The following DSTYK variants were observed in gnomAD, a reference collection of about 807,000 sequenced individuals.
DSTYK encodes RIP-homologous kinase.
A neutral mutation model predicts 98.7 loss-of-function variants in DSTYK; 34 were observed. That is an observed-to-expected ratio of 0.34 (90% confidence interval 0.26 to 0.46). The LOEUF (loss-of-function observed/expected upper bound fraction) is 0.46. DSTYK is among the 20% of genes least tolerant of loss of function. DSTYK has a pLI of 1.00. For synonymous variants in DSTYK, 462 were observed against 457.3 expected (o/e 1.01, Z -0.13); for missense variants, 962 against 1,181.7 (o/e 0.81, Z 2.73).
intron 1 of DSTYK, among the ~76,000 whole-genome samples, chr1:205,204,391 T>C (rs6682400): frequency 6.6e-6 from 1 of 151,616 alleles, no homozygotes; most frequent in Admixed American, 6.6e-5. Context: ...CCACATTCCA[T>C]CTTTCTGTTC....
At chr1:205,176,706 G>A (rs918037235) in intron 2 of DSTYK, among the ~76,000 whole-genome samples, 10 of 151,668 alleles carry the variant, frequency 6.6e-5, no homozygotes, top group Non-Finnish European at 8.8e-5. Flanking sequence ...GCCTCCCAAA[G>A]TGCTAGGATT....
chr1:205,198,907 C>G (rs1658947835), intron 1 of DSTYK, among the ~76,000 whole-genome samples: 1 of 150,424 alleles, frequency 6.6e-6, no homozygotes, highest in South Asian at 2.1e-4. Context: ...TCTCGACTCA[C>G]TTCAATCTCT....
chr1:205,194,253 C>T (rs1574792799), intron 1 of DSTYK, among the ~76,000 whole-genome samples: 2 of 152,162 alleles, frequency 1.3e-5, no homozygotes, highest in African/African-American at 4.8e-5. Flanking sequence ...AAGTGTTGGC[C>T]ATGACCCTCA....
At chr1:205,163,043 T>C (rs776981406) in intron 4 of DSTYK, 37 bp from the exon 5 acceptor site, 2 of 1,532,642 alleles carry the variant, frequency 1.3e-6, no homozygotes, top group South Asian at 2.2e-5. Flanking sequence ...ATGTCCTCAG[T>C]AGTGTGGCTA....
At chr1:205,155,715 G>A (rs1389739121) in intron 10 of DSTYK, among the ~76,000 whole-genome samples, 1 of 152,002 alleles carries the variant, frequency 6.6e-6, no homozygotes, top group Non-Finnish European at 1.5e-5. Context: ...TTCTGGGGGA[G>A]AAATTCAAGC....
Position 205,169,397 on chromosome 1 carries a change from G to C in DSTYK, c.1090C>G (p.Leu364Val), listed in dbSNP as rs374059613. 38 of 1,614,184 alleles carry C rather than the reference G, an allele frequency of 2.4e-5. No individual in the cohort carries two copies. The African/African-American group carries it at 5.1e-4, about 22-fold the overall frequency. Residue 364 changes from leucine (L) to valine (V), a missense_variant, in exon 3 of 13, where the codon CTG becomes GTG. Coordinates refer to ENST00000367162, the MANE Select transcript of DSTYK (RefSeq NM_015375.3). The surrounding 1 kb of genome is among the most constrained non-coding windows in gnomAD (Gnocchi z 4.0). ...ATGTCAAGGCAGTGGCAGTGCACCA[G>C]GTTCAGGGCCTTGGCTGCATCCACC... ...RLVDAAKALN[L>V]VHCHCLDIFI...
chr1:205,210,146 C>T (rs1307817704), intron 1 of DSTYK, among the ~76,000 whole-genome samples: 1 of 151,980 alleles, frequency 6.6e-6, no homozygotes, highest in Non-Finnish European at 1.5e-5. Context: ...AAGTGATCCG[C>T]CCCGCCTCTG....
At chr1:205,196,251 T>C (rs978813491) in intron 1 of DSTYK, among the ~76,000 whole-genome samples, 5 of 152,002 alleles carry the variant, frequency 3.3e-5, no homozygotes, top group Non-Finnish European at 7.4e-5. Flanking sequence ...ATAGAAGGAA[T>C]GATGGATATA....
chr1:205,160,109 C>A lies in DSTYK; in HGVS notation c.2105+5G>T, dbSNP rs772523852. On this transcript the variant is annotated splice_donor_5th_base_variant and intron_variant, in intron 8 of 12. Coordinates refer to ENST00000367162, the MANE Select transcript of DSTYK (RefSeq NM_015375.3). ...CTCATAGAGATGAATGAGGCCAGGA[C>A]CCACCTCATATAGTGAAATTCCAAA... 1.2e-6 allele frequency: 2 copies of A among 1,613,940 alleles called. No individual in the cohort carries two copies. Among genetic ancestry groups the A allele is most frequent in the Non-Finnish European group, 1.7e-6 (2 of 1,179,954 alleles).
chr1:205,183,099 C>T (rs1658466666), intron 2 of DSTYK, among the ~76,000 whole-genome samples: 1 of 148,986 alleles, frequency 6.7e-6, no homozygotes, highest in African/African-American at 2.5e-5. Flanking sequence ...CACACACACA[C>T]ACAGAGATAT....
At chr1:205,208,305 A>G (rs1659267495) in intron 1 of DSTYK, among the ~76,000 whole-genome samples, 1 of 152,194 alleles carries the variant, frequency 6.6e-6, no homozygotes, top group African/African-American at 2.4e-5. Context: ...TGTGGGTGAA[A>G]GTGAGACAAT....
chr1:205,202,678 G>C, intron 1 of DSTYK: 1 of 1,156,592 alleles, frequency 8.6e-7, no homozygotes, highest in South Asian at 1.2e-5. Flanking sequence ...AGAAGAGGAG[G>C]GTGCCCAGAA....
At chr1:205,168,710 C>G (rs1368385042) in intron 3 of DSTYK, among the ~76,000 whole-genome samples, 1 of 152,198 alleles carries the variant, frequency 6.6e-6, no homozygotes, top group Non-Finnish European at 1.5e-5. Flanking sequence ...AAAAACACAA[C>G]TTTGGGAAAT....
chr1:205,149,063 C>T (rs183043748), intron 11 of DSTYK, among the ~76,000 whole-genome samples: 10 of 151,914 alleles, frequency 6.6e-5, no homozygotes, highest in East Asian at 1.9e-4. Flanking sequence ...CCACCACGCC[C>T]GGCCTATTTT....
At chr1:205,163,406 A>G (rs1001010459) in intron 4 of DSTYK, among the ~76,000 whole-genome samples, 1 of 151,926 alleles carries the variant, frequency 6.6e-6, no homozygotes, top group African/African-American at 2.4e-5. Context: ...TTTAGTAGAG[A>G]TGGGATTTCT....
At chr1:205,161,980 C>G in intron 6 of DSTYK, 56 bp downstream of exon 6, 1 of 1,557,512 alleles carries the variant, frequency 6.4e-7, no homozygotes, top group South Asian at 1.2e-5. Context: ...ATATTCCCAT[C>G]TGGATGAGGC....
intron 1 of DSTYK, among the ~76,000 whole-genome samples, chr1:205,189,212 C>G (rs1658642570): frequency 6.6e-6 from 1 of 152,034 alleles, no homozygotes; most frequent in Admixed American, 6.5e-5. Flanking sequence ...AAATGGATAA[C>G]TTCCCCAAAC....
At chr1:205,163,211 AT>A (rs996751302) in intron 4 of DSTYK, among the ~76,000 whole-genome samples, 3 of 106,070 alleles carry the variant, frequency 2.8e-5, no homozygotes, top group Non-Finnish European at 7.5e-5. Flanking sequence ...TCATCAACTT[AT>A]TTTTTTATTT....
chr1:205,209,096 G>A (rs947027967), intron 1 of DSTYK, among the ~76,000 whole-genome samples: 5 of 152,134 alleles, frequency 3.3e-5, no homozygotes, highest in African/African-American at 1.2e-4. Flanking sequence ...AGCCAATGAA[G>A]TGAAATGCAA....
Sources: gnomAD v4.1 joint callset for allele counts (sites outside exome capture counted in the v4.1 genomes callset) on GRCh38, gnomAD v4.1.1 for gene constraint, Gnocchi (gnomAD v3.1) non-coding constraint, MANE v1.5 for transcripts, NCBI Gene and HGNC (gene_info 2026-07-23, HGNC 2026-07-21) for gene names.